KDM5B: variants seen among roughly 807,000 people sequenced by gnomAD.
The protein encoded by KDM5B is lysine demethylase 5B.
KDM5B carries 144 observed loss-of-function variants against 193.4 expected under a neutral mutation model. That is an observed-to-expected ratio of 0.74 (90% CI 0.65 to 0.86). KDM5B has a LOEUF of 0.86. KDM5B is among the 40% of genes least tolerant of loss of function. The pLI is 0.00. For missense variants in KDM5B, 1,833 were observed against 1,886.9 expected (o/e 0.97, Z 0.53); for synonymous variants, 668 against 682.6 (o/e 0.98, Z 0.33).
Position 202,773,298 on chromosome 1 carries a change from T to C in KDM5B, c.406-10A>G. ...CTTCTTCTGCAACTAACTGTTAAAA[T>C]AGCAAAATTAGAAACAACTATATGG... On this transcript the variant is annotated splice_polypyrimidine_tract_variant and intron_variant, in intron 3 of 26. Transcript: ENST00000367265. The C allele has an allele frequency of 1.2e-6, 2 of 1,612,890 alleles. No homozygotes were observed. The highest frequency in any genetic ancestry group is 1.7e-6 in the Non-Finnish European group (2 of 1,179,446).
chr1:202,795,936 G>C (rs1230443710), intron 1 of KDM5B: 2 of 152,398 alleles, frequency 1.3e-5, no homozygotes, highest in Non-Finnish European at 2.9e-5. Flanking sequence ...CAGGGAGTCA[G>C]TCTTGGTGCA....
At chr1:202,792,124 T>C (rs1248945703) in intron 1 of KDM5B, among the ~76,000 whole-genome samples, 1 of 152,238 alleles carries the variant, frequency 6.6e-6, no homozygotes, top group Non-Finnish European at 1.5e-5. Context: ...CCCAGTTTTC[T>C]GTAGTAGAAC....
chr1:202,799,251 T>C (rs762867849), intron 1 of KDM5B, among the ~76,000 whole-genome samples: 1 of 152,220 alleles, frequency 6.6e-6, no homozygotes, highest in Non-Finnish European at 1.5e-5. Flanking sequence ...AAAATGACTT[T>C]GTCCAAGGTC....
intron 1 of KDM5B, among the ~76,000 whole-genome samples, chr1:202,803,843 T>C (rs961944680): frequency 6.7e-5 from 10 of 149,740 alleles, no homozygotes; most frequent in South Asian, 2.1e-4. Context: ...AGGTAGACAT[T>C]TGTGGCCTAG....
chr1:202,787,685 C>T (rs529081095), intron 1 of KDM5B, among the ~76,000 whole-genome samples: 6 of 151,848 alleles, frequency 4.0e-5, no homozygotes, highest in African/African-American at 1.4e-4. Context: ...CAGTTCGAGA[C>T]CATCCTGGCC....
At chr1:202,740,919 T>G (rs1655311910) in intron 19 of KDM5B, 107 bp from the exon 20 acceptor site, 4 of 1,170,602 alleles carry the variant, frequency 3.4e-6, no homozygotes, top group Non-Finnish European at 4.8e-6. Context: ...TGGCAAATAA[T>G]TTTTTTCAAA....
At chr1:202,801,072 G>C (rs1232078335) in intron 1 of KDM5B, among the ~76,000 whole-genome samples, 1 of 152,130 alleles carries the variant, frequency 6.6e-6, no homozygotes, top group African/African-American at 2.4e-5. Flanking sequence ...AAGATCCCTA[G>C]TTTTGTCTCA....
At chr1:202,788,679 GAAGA>G (rs1657514795) in intron 1 of KDM5B, among the ~76,000 whole-genome samples, 1 of 152,112 alleles carries the variant, frequency 6.6e-6, no homozygotes, top group Admixed American at 6.6e-5. Flanking sequence ...AATGGGATGA[GAAGA>G]AATTTCAGAT....
chr1:202,767,161 T>C, intron 4 of KDM5B, 101 bp from the exon 5 acceptor site: 5 of 1,570,310 alleles, frequency 3.2e-6, no homozygotes, highest in Non-Finnish European at 4.4e-6. Flanking sequence ...TCGAGTTTGA[T>C]CTACTTCCAG....
At chr1:202,756,687 G>A (rs1656025479) in intron 9 of KDM5B, among the ~76,000 whole-genome samples, 171 bp from the exon 10 acceptor site, 1 of 152,176 alleles carries the variant, frequency 6.6e-6, no homozygotes, top group South Asian at 2.1e-4. Flanking sequence ...AGGAATTTAT[G>A]TTCCTCTATC....
At chr1:202,756,668 C>G (rs1656025073) in intron 9 of KDM5B, 152 bp from the exon 10 acceptor site, 2 of 514,882 alleles carry the variant, frequency 3.9e-6, no homozygotes, top group South Asian at 1.1e-4. Context: ...GAAACCTCTA[C>G]TGTCTAAAAG....
intron 3 of KDM5B, among the ~76,000 whole-genome samples, chr1:202,773,540 C>T (rs1656809136): frequency 6.6e-6 from 1 of 152,122 alleles, no homozygotes; most frequent in Admixed American, 6.6e-5. Context: ...TTCACATCCC[C>T]AAAGCAATCA....
At chr1:202,805,760 TAAG>T (rs1421483059) in intron 1 of KDM5B, among the ~76,000 whole-genome samples, 3 of 152,238 alleles carry the variant, frequency 2.0e-5, no homozygotes, top group Admixed American at 1.3e-4. Context: ...TTACATCTCT[TAAG>T]AAGCCTTTGT....
intron 1 of KDM5B, among the ~76,000 whole-genome samples, chr1:202,779,487 A>T (rs1370691707): frequency 6.6e-6 from 1 of 151,514 alleles, no homozygotes; most frequent in Non-Finnish European, 1.5e-5. Context: ...TCAAAAAAAA[A>T]AAGAAAAAAA....
At chr1:202,775,838 A>G (rs1242434809) in intron 2 of KDM5B, among the ~76,000 whole-genome samples, 1 of 139,278 alleles carries the variant, frequency 7.2e-6, no homozygotes, top group East Asian at 2.1e-4. Flanking sequence ...CCTTGGTGAC[A>G]GAACAAGACT....
chr1:202,775,879 A>ATAT (rs1477834630), intron 2 of KDM5B, among the ~76,000 whole-genome samples: 6 of 93,200 alleles, frequency 6.4e-5, no homozygotes, highest in East Asian at 3.6e-4. Context: ...AAAAAAAAAA[A>ATAT]ATATATATAT....
chr1:202,738,660 T>A (rs1363767305), intron 20 of KDM5B, among the ~76,000 whole-genome samples: 18 of 152,208 alleles, frequency 1.2e-4, no homozygotes, highest in Non-Finnish European at 2.9e-5. Flanking sequence ...ATTTCTAGAA[T>A]TTGAGGACTT....
chr1:202,750,274 A>G (rs972139142), intron 13 of KDM5B, among the ~76,000 whole-genome samples: 1 of 152,022 alleles, frequency 6.6e-6, no homozygotes, highest in Admixed American at 6.6e-5. Flanking sequence ...GCAACTATCC[A>G]TGTGACATTT....
At position 202,808,387 on chromosome 1, in the gene KDM5B, G is replaced by C; in HGVS notation, c.-82C>G. On this transcript the variant is annotated 5_prime_UTR_variant, in exon 1 of 27. Transcript: ENST00000367265. Reference sequence around the variant, plus strand: ...CTCCGCTCGGTCCGAGACCCGTGCAGACGCGGCTCGAGCAACAGCAAGTCC... The same window carrying C: ...CTCCGCTCGGTCCGAGACCCGTGCACACGCGGCTCGAGCAACAGCAAGTCC... 1.5e-6 allele frequency: 2 copies of C among 1,303,066 alleles called. No individual in the cohort carries two copies. The highest frequency in any genetic ancestry group is 2.7e-4 in the Middle Eastern group (1 of 3,700). The allele number at this position is 1,303,066 out of a possible 1,614,324, so 80.7% of individuals were successfully genotyped here.
Sources: gnomAD v4.1 joint callset for allele counts (sites outside exome capture counted in the v4.1 genomes callset) on GRCh38, gnomAD v4.1.1 for gene constraint, MANE v1.5 for transcripts, NCBI Gene and HGNC (gene_info 2026-07-23, HGNC 2026-07-21) for gene names.